The following MRPS31 variants were observed in gnomAD, a reference collection of about 807,000 sequenced individuals.
MRPS31 encodes mitochondrial ribosomal protein S31.
A neutral mutation model predicts 43.1 loss-of-function variants in MRPS31; 32 were observed. The observed-to-expected ratio is 0.74, with a 90% CI of 0.56 to 1.00. The LOEUF (loss-of-function observed/expected upper bound fraction) is 1.00. Among genes scored for constraint, MRPS31 ranks in the 50% least tolerant of loss-of-function variants. The pLI, the probability that MRPS31 is intolerant of heterozygous loss-of-function variation, is 0.00. For synonymous variants in MRPS31, 165 were observed against 161.6 expected, an observed-to-expected ratio of 1.02 and a Z score of -0.16; for missense variants, 437 against 466.7, an observed-to-expected ratio of 0.94 and a Z score of 0.59.
chr13:40,733,570 T>A (rs1879775125), intron 6 of MRPS31, among the ~76,000 whole-genome samples: 1 of 152,130 alleles, frequency 6.6e-6, no homozygotes. Flanking sequence ...ATGAATATTA[T>A]GAAGAGAAGA....
chr13:40,755,668 T>C (rs1593449499), intron 4 of MRPS31, among the ~76,000 whole-genome samples: 2 of 152,182 alleles, frequency 1.3e-5, no homozygotes, highest in African/African-American at 4.8e-5. Context: ...GCCCCAGTCA[T>C]AGCAGGGTGA....
intron 6 of MRPS31, among the ~76,000 whole-genome samples, chr13:40,731,538 C>T (rs1391230949): frequency 1.4e-5 from 2 of 144,328 alleles, no homozygotes; most frequent in African/African-American, 2.6e-5. Flanking sequence ...GCTGAGATTG[C>T]GTCACTGCAC....
chr13:40,734,305 C>A (rs1879807952), intron 6 of MRPS31, among the ~76,000 whole-genome samples: 1 of 151,952 alleles, frequency 6.6e-6, no homozygotes, highest in African/African-American at 2.4e-5. Context: ...GAAAGGGTAT[C>A]CAACATAGAA....
intron 6 of MRPS31, among the ~76,000 whole-genome samples, chr13:40,743,137 C>T (rs1880148808): frequency 1.3e-5 from 2 of 152,128 alleles, no homozygotes; most frequent in South Asian, 4.1e-4. Flanking sequence ...CATGGTAAAA[C>T]CCTGCCTCTT....
At chr13:40,758,397 T>C (rs77010761) in intron 3 of MRPS31, among the ~76,000 whole-genome samples, 6,825 of 152,258 alleles carry the variant, frequency 0.045, 306 homozygotes, top group East Asian at 0.14. Flanking sequence ...GGTATACACG[T>C]TCATTGAGAA....
Position 40,729,467 on chromosome 13 carries a change from T to A in MRPS31, c.1093A>T (p.Ser365Cys), listed in dbSNP as rs920342140. Residue 365 changes from serine to cysteine, a missense_variant, in exon 7 of 7, where the codon AGT (serine) becomes TGT (cysteine). Ser to Cys is a moderately radical substitution (Grantham distance 112). Transcript: ENST00000323563. The part of the protein sequence containing the change: ...TCGLSKNPYL[S>C]VKQKVEHIEW... Reference sequence around the variant, plus strand: ...ATGTGTTCAACCTTCTGTTTAACACTAAGATATGGGTTTTTGGAAAGGCCA... The same window carrying A: ...ATGTGTTCAACCTTCTGTTTAACACAAAGATATGGGTTTTTGGAAAGGCCA... 4 of 1,611,530 alleles carry A rather than the reference T, an allele frequency of 2.5e-6. No homozygotes were observed. Among genetic ancestry groups the A allele is most frequent in the Middle Eastern group, 1.6e-4 (1 of 6,080 alleles).
intron 2 of MRPS31, among the ~76,000 whole-genome samples, chr13:40,763,818 C>T (rs1332231864): frequency 3.3e-5 from 5 of 152,198 alleles, no homozygotes; most frequent in South Asian, 2.1e-4. Context: ...ACAGCTTTCA[C>T]TTCCATCTCT....
At chr13:40,761,932 A>AAAAAG (rs1880708169) in intron 2 of MRPS31, among the ~76,000 whole-genome samples, 1 of 151,678 alleles carries the variant, frequency 6.6e-6, no homozygotes, top group South Asian at 2.1e-4. Flanking sequence ...AAAAAAAAAA[A>AAAAAG]AAAGAAAGAA....
intron 2 of MRPS31, among the ~76,000 whole-genome samples, chr13:40,764,603 T>G (rs112544191): frequency 0.021 from 3,157 of 152,202 alleles, 99 homozygotes; most frequent in African/African-American, 0.069. Context: ...AATACAACTT[T>G]CTCTTGGCTC....
chr13:40,729,765 G>A (rs543447171), intron 6 of MRPS31, among the ~76,000 whole-genome samples, 164 bp from the exon 7 acceptor site: 6 of 142,496 alleles, frequency 4.2e-5, no homozygotes, highest in Middle Eastern at 3.8e-3. Context: ...GTCTTGCTCT[G>A]TTGCTCAGGT....
intron 6 of MRPS31, among the ~76,000 whole-genome samples, chr13:40,736,211 C>T (rs1454527349): frequency 9.2e-5 from 14 of 151,854 alleles, no homozygotes; most frequent in Non-Finnish European, 1.5e-4. Flanking sequence ...TGAAATGAAG[C>T]AGGAAGGAAA....
At chr13:40,758,862 A>G in intron 3 of MRPS31, 86 bp downstream of exon 3, 2 of 1,217,858 alleles carry the variant, frequency 1.6e-6, no homozygotes, top group East Asian at 2.7e-5. Context: ...TACGTGGTAT[A>G]TATTATGTGT....
chr13:40,737,827 A>C (rs970803379), intron 6 of MRPS31, among the ~76,000 whole-genome samples: 5 of 152,108 alleles, frequency 3.3e-5, no homozygotes, highest in Non-Finnish European at 5.9e-5. Flanking sequence ...TGCCCACAAG[A>C]GAAAGCAGGA....
chr13:40,735,141 G>A (rs1329251451), intron 6 of MRPS31, among the ~76,000 whole-genome samples: 2 of 152,222 alleles, frequency 1.3e-5, no homozygotes, highest in East Asian at 1.9e-4. Context: ...GGGTCAGGGA[G>A]TTACCTTTCC....
chr13:40,735,073 C>A (rs568160806), intron 6 of MRPS31, among the ~76,000 whole-genome samples: 1 of 152,146 alleles, frequency 6.6e-6, no homozygotes, highest in African/African-American at 2.4e-5. Flanking sequence ...TCAGTGGGTG[C>A]GCGCACCTTG....
At chr13:40,734,877 C>G (rs544885073) in intron 6 of MRPS31, among the ~76,000 whole-genome samples, 1 of 152,120 alleles carries the variant, frequency 6.6e-6, no homozygotes. Context: ...GTCTGGGTGA[C>G]GGAGTGAGAC....
intron 5 of MRPS31, among the ~76,000 whole-genome samples, chr13:40,751,877 A>G (rs1880400435): frequency 6.6e-6 from 1 of 152,210 alleles, no homozygotes; most frequent in Non-Finnish European, 1.5e-5. Flanking sequence ...TAAAATATAT[A>G]AAACTTCAAT....
chr13:40,731,252 C>CAA (rs1161901636), intron 6 of MRPS31: 228 of 65,106 alleles, frequency 3.5e-3, no homozygotes, highest in African/African-American at 5.6e-3. Flanking sequence ...GACCCTGTCT[C>CAA]AAAAAAAAAA....
chr13:40,743,765 G>A (rs1410504195), intron 6 of MRPS31, among the ~76,000 whole-genome samples: 1 of 152,194 alleles, frequency 6.6e-6, no homozygotes. Flanking sequence ...ATGTAAATTA[G>A]TTTAGCCACT....
Sources: gnomAD v4.1 joint callset for allele counts (sites outside exome capture counted in the v4.1 genomes callset) on GRCh38, gnomAD v4.1.1 for gene constraint, MANE v1.5 for transcripts, NCBI Gene and HGNC (gene_info 2026-07-23, HGNC 2026-07-21) for gene names.